Variants in PRUNE2 observed in about 807,000 individuals in gnomAD.
The protein encoded by PRUNE2 is protein prune homolog 2.
PRUNE2 carries 164 observed loss-of-function variants against 252.0 expected under a neutral mutation model. That is an observed-to-expected ratio of 0.65 (90% CI 0.57 to 0.74). The LOEUF is 0.74. PRUNE2 is among the 30% of genes least tolerant of loss of function. The pLI, the probability that PRUNE2 is intolerant of heterozygous loss-of-function variation, is 0.00. For missense variants in PRUNE2, 3,495 were observed against 3,711.0 expected, an observed-to-expected ratio of 0.94 and a Z score of 1.51; for synonymous variants, 1,292 against 1,350.2, an observed-to-expected ratio of 0.96 and a Z score of 0.94.
rs1390147788 is a variant in PRUNE2 at position 76,708,220 on chromosome 9, C to T, written c.4054G>A (p.Ala1352Thr). 16 of 1,613,872 alleles carry T rather than the reference C, an allele frequency of 9.9e-6. No individual in the cohort carries two copies. The highest frequency in any genetic ancestry group is 1.4e-5 in the Non-Finnish European group (16 of 1,179,896). ...EEVIASGVEN[A>T]SGISEKGQSD... Reference sequence around the variant, plus strand: ...TGCCCTTTTTCAGAAATCCCTGAGGCATTCTCCACACCAGAGGCGATCACC... The same window carrying T: ...TGCCCTTTTTCAGAAATCCCTGAGGTATTCTCCACACCAGAGGCGATCACC... The change falls in exon 8 of 19, where the codon GCC (alanine) becomes ACC (threonine). Residue 1352 changes from alanine to threonine, a missense_variant. Coordinates refer to ENST00000376718, the MANE Select transcript of PRUNE2 (RefSeq NM_015225.3).
At chr9:76,728,113 A>T (rs1442270610) in intron 6 of PRUNE2, among the ~76,000 whole-genome samples, 4 of 152,162 alleles carry the variant, frequency 2.6e-5, no homozygotes, top group Admixed American at 2.6e-4. Flanking sequence ...TATGGCAGAT[A>T]TTTGAGGGTA....
chr9:76,904,980 T>C (rs1589865611), intron 1 of PRUNE2, among the ~76,000 whole-genome samples: 1 of 152,354 alleles, frequency 6.6e-6, no homozygotes, highest in Non-Finnish European at 1.5e-5. Context: ...TTGGCTTCTA[T>C]GAAGGCTTAA....
In PRUNE2 at chr9:76,890,705, G is replaced by T. The variant is rs2062418769; in HGVS notation, c.36+15223C>A. Among the ~76,000 whole-genome samples the T allele has an allele frequency of 2.0e-5, 3 of 152,034 alleles. 1 individual carries two copies. The South Asian group carries it at 6.2e-4, about 32-fold the overall frequency. On this transcript the variant is annotated intron_variant, in intron 1 of 18. Transcript: ENST00000376718. Reference sequence around the variant, plus strand: ...ATATACCGAAGCCTCCCAACACGGGGTCTGTAAAGGAATTATCATACTGTA... The same window carrying T: ...ATATACCGAAGCCTCCCAACACGGGTTCTGTAAAGGAATTATCATACTGTA...
At chr9:76,671,798 A>G (rs1440091584) in intron 9 of PRUNE2, among the ~76,000 whole-genome samples, 14 of 150,940 alleles carry the variant, frequency 9.3e-5, no homozygotes, top group Admixed American at 9.2e-4. Flanking sequence ...TATCCAGCCA[A>G]ACTAAGCTTC....
Position 76,710,319 on chromosome 9 carries a change from C to T in PRUNE2, c.1955G>A (p.Arg652Gln), listed in dbSNP as rs750435485. Reference protein sequence around the residue: ...GHMGPPQTHARCSSWWGGLEI... With the variant: ...GHMGPPQTHAQCSSWWGGLEI... ...CAAACCACCCCACCAGCTGCTGCAC[C>T]GTGCATGGGTCTGAGGTGGCCCCAT... The change falls in exon 8 of 19, where the codon CGG (arginine) becomes CAG (glutamine). Residue 652 changes from arginine (R) to glutamine (Q), a missense_variant. By Grantham distance (43) the Arg-to-Gln change is conservative. Coordinates refer to ENST00000376718, the MANE Select transcript of PRUNE2 (RefSeq NM_015225.3). The T allele has an allele frequency of 2.5e-5, 40 of 1,613,842 alleles. 1 individual carries two copies. The highest frequency in any genetic ancestry group is 1.6e-4 in the Middle Eastern group (1 of 6,084).
intron 9 of PRUNE2, among the ~76,000 whole-genome samples, chr9:76,666,990 G>A (rs2040326060): frequency 6.6e-6 from 1 of 152,088 alleles, no homozygotes; most frequent in Non-Finnish European, 1.5e-5. Flanking sequence ...AGGTTGGGGT[G>A]AGCCAAGATC....
At chr9:76,827,772 G>A (rs1564387577) in intron 4 of PRUNE2, among the ~76,000 whole-genome samples, 1 of 152,156 alleles carries the variant, frequency 6.6e-6, no homozygotes, top group Non-Finnish European at 1.5e-5. Context: ...CAAACATGCT[G>A]GAAAGTCCCA....
chr9:76,864,717 G>T (rs1402742094), intron 1 of PRUNE2, among the ~76,000 whole-genome samples: 1 of 152,212 alleles, frequency 6.6e-6, no homozygotes, highest in Non-Finnish European at 1.5e-5. Flanking sequence ...GGAATCATCA[G>T]CAGTGGATGT....
chr9:76,826,785 G>A lies in PRUNE2; in HGVS notation c.509-53C>T, dbSNP rs148480574. On this transcript the variant is annotated intron_variant, in intron 4 of 18. Coordinates refer to ENST00000376718, the MANE Select transcript of PRUNE2 (RefSeq NM_015225.3). ...AAAGCTTTCCAGCCAAGCCAGAACAGGGGCCAAGAAAATCAGTGTTTCCTG... is the reference window on the plus strand; with the variant it reads ...AAAGCTTTCCAGCCAAGCCAGAACAAGGGCCAAGAAAATCAGTGTTTCCTG... 971 of 1,419,172 alleles carry A rather than the reference G, an allele frequency of 6.8e-4. 10 individuals are homozygous for A. In the African/African-American group the frequency reaches 0.013, roughly 19 times the overall value. 87.9% of individuals were successfully genotyped at this position (1,419,172 alleles called of 1,614,324 possible).
intron 9 of PRUNE2, among the ~76,000 whole-genome samples, chr9:76,666,107 G>GT (rs1563967254): frequency 6.6e-6 from 1 of 152,220 alleles, no homozygotes; most frequent in Admixed American, 6.5e-5. Flanking sequence ...GAAGACAAGA[G>GT]TGTGAGCCTT....
At chr9:76,824,445 A>G (rs529568709) in intron 5 of PRUNE2, among the ~76,000 whole-genome samples, 4 of 152,306 alleles carry the variant, frequency 2.6e-5, no homozygotes, top group African/African-American at 9.6e-5. Flanking sequence ...TGTGACTCGT[A>G]AGACTATCTT....
intron 10 of PRUNE2, among the ~76,000 whole-genome samples, chr9:76,654,573 T>C (rs1172965390): frequency 2.0e-5 from 3 of 152,194 alleles, no homozygotes; most frequent in African/African-American, 4.8e-5. Flanking sequence ...TTTTAAAAAA[T>C]TGTTTTTAAT....
chr9:76,838,231 G>A (rs947576437), intron 4 of PRUNE2, among the ~76,000 whole-genome samples: 3 of 85,502 alleles, frequency 3.5e-5, no homozygotes, highest in Non-Finnish European at 4.9e-5. Context: ...AAGAAGGAAG[G>A]GCAAACATAA....
At chr9:76,766,847 C>A (rs183225535) in intron 6 of PRUNE2, among the ~76,000 whole-genome samples, 2 of 152,312 alleles carry the variant, frequency 1.3e-5, no homozygotes, top group Admixed American at 6.5e-5. Context: ...CACTGTTCTG[C>A]GGTCCAACCC....
At chr9:76,767,664 C>T (rs184379548) in intron 6 of PRUNE2, among the ~76,000 whole-genome samples, 3 of 152,182 alleles carry the variant, frequency 2.0e-5, no homozygotes, top group Non-Finnish European at 4.4e-5. Context: ...TAACAGGAGG[C>T]ACCTTAAAGC....
intron 3 of PRUNE2, 117 bp downstream of exon 3, chr9:76,850,346 A>G (rs2059893027): frequency 3.8e-6 from 3 of 783,822 alleles, no homozygotes; most frequent in Non-Finnish European, 6.3e-6. Context: ...CATGACCAGC[A>G]TGTCCTCTGC....
At chr9:76,768,524 C>G (rs1346624310) in intron 6 of PRUNE2, among the ~76,000 whole-genome samples, 1 of 151,624 alleles carries the variant, frequency 6.6e-6, no homozygotes, top group Non-Finnish European at 1.5e-5. Flanking sequence ...CTGTCTGCAG[C>G]CGCACCTAGA....
intron 9 of PRUNE2, among the ~76,000 whole-genome samples, chr9:76,674,628 A>G (rs988962133): frequency 4.6e-5 from 7 of 150,838 alleles, no homozygotes; most frequent in African/African-American, 1.7e-4. Context: ...CCAAAAGAAC[A>G]AAGCTGGAGG....
chr9:76,755,300 T>C lies in PRUNE2; in HGVS notation c.757-41579A>G, dbSNP rs543323483. 2.0e-5 allele frequency among the ~76,000 whole-genome samples: 3 copies of C among 152,224 alleles called. No homozygotes were observed. In the South Asian group the frequency reaches 6.2e-4, roughly 32 times the overall value. ...CACTGGCTCATTCACGGTAGATGGA[T>C]ACTTACTGAATGAGTGAAGAAATAA... is the stretch of plus-strand genomic sequence containing the variant. On this transcript the variant is annotated intron_variant, in intron 6 of 18. Coordinates refer to ENST00000376718, the MANE Select transcript of PRUNE2 (RefSeq NM_015225.3).
Sources: gnomAD v4.1 joint callset for allele counts (sites outside exome capture counted in the v4.1 genomes callset) on GRCh38, gnomAD v4.1.1 for gene constraint, MANE v1.5 for transcripts, NCBI Gene and HGNC (gene_info 2026-07-23, HGNC 2026-07-21) for gene names.